CAMTA1: variants seen among roughly 807,000 people sequenced by gnomAD.
The protein encoded by CAMTA1 is calmodulin-binding transcription activator 1.
CAMTA1 carries 27 observed loss-of-function variants against 170.9 expected under a neutral mutation model. The observed-to-expected ratio is 0.16, with a 90% CI of 0.12 to 0.22. The LOEUF is 0.22. CAMTA1 is among the 10% of genes least tolerant of loss of function. The pLI is 1.00. For synonymous variants in CAMTA1, 833 were observed against 891.5 expected (o/e 0.93, Z 1.17); for missense variants, 1,619 against 2,217.2 (o/e 0.73, Z 5.42).
At chr1:7,453,393 C>T (rs1342137347) in intron 5 of CAMTA1, among the ~76,000 whole-genome samples, 14 of 152,218 alleles carry the variant, frequency 9.2e-5, no homozygotes, top group African/African-American at 3.4e-4. Flanking sequence ...GTCCAGGTGC[C>T]TAGATCTCTA....
rs188242810 is a variant in CAMTA1 at position 7,651,683 on chromosome 1, C to T, written c.665-10043C>T. The stretch of plus-strand genomic sequence containing the variant: ...CAGAATCCAGGGGTGGGGCCACCTA[C>T]CTGGATAGGGCCCAGTGGCATACAG... On this transcript the variant is annotated intron_variant, in intron 7 of 22. Coordinates refer to ENST00000303635, the MANE Select transcript of CAMTA1 (RefSeq NM_015215.4). Among the ~76,000 whole-genome samples the T allele has an allele frequency of 9.3e-4, 141 of 152,394 alleles. 2 individuals carry two copies. The highest frequency in any genetic ancestry group is 8.9e-3 in the Admixed American group (136 of 15,310).
intron 4 of CAMTA1, among the ~76,000 whole-genome samples, chr1:7,237,895 A>G (rs1446664038): frequency 2.0e-5 from 3 of 152,368 alleles, no homozygotes; most frequent in South Asian, 2.1e-4. Context: ...CATGTGCTAT[A>G]TGACAGGCAG....
chr1:7,532,078 G>A lies in CAMTA1; in HGVS notation c.510+64177G>A, dbSNP rs979554686. Among the ~76,000 whole-genome samples the A allele has an allele frequency of 3.9e-5, 6 of 152,292 alleles. No individual in the cohort carries two copies. The highest frequency in any genetic ancestry group is 2.1e-4 in the South Asian group (1 of 4,816). On this transcript the variant is annotated intron_variant, in intron 6 of 22. Coordinates refer to ENST00000303635, the MANE Select transcript of CAMTA1 (RefSeq NM_015215.4). This position sits in a 1 kb window ranked among gnomAD's most constrained non-coding sequence, Gnocchi z 4.2. ...AAGGCAGAGAGGAAGGGGCAGGGGC[G>A]GCGAATGAGTGACAGAAAAGGAGGC... is the stretch of plus-strand genomic sequence containing the variant.
intron 3 of CAMTA1, among the ~76,000 whole-genome samples, chr1:7,084,954 C>T (rs1468809924): frequency 1.3e-5 from 2 of 152,230 alleles, no homozygotes; most frequent in East Asian, 3.9e-4. Context: ...TCTCTTTTAC[C>T]TTTTAAAATG....
intron 4 of CAMTA1, among the ~76,000 whole-genome samples, chr1:7,230,219 T>A (rs1662481859): frequency 6.6e-6 from 1 of 152,118 alleles, no homozygotes; most frequent in Non-Finnish European, 1.5e-5. Flanking sequence ...CGCTTTTGGT[T>A]GCCAGCGCCC....
At chr1:7,384,155 C>T (rs2087670840) in intron 5 of CAMTA1, among the ~76,000 whole-genome samples, 1 of 152,200 alleles carries the variant, frequency 6.6e-6, no homozygotes, top group Non-Finnish European at 1.5e-5. Flanking sequence ...GCTTCTGTGC[C>T]AGGGATGTGG....
At chr1:6,839,751 G>C (rs1249009763) in intron 3 of CAMTA1, among the ~76,000 whole-genome samples, 1 of 152,158 alleles carries the variant, frequency 6.6e-6, no homozygotes, top group African/African-American at 2.4e-5. Context: ...TCTAGGCAAA[G>C]GTAATAGCCT....
chr1:6,954,133 TGCCA>T (rs569305790), intron 3 of CAMTA1, among the ~76,000 whole-genome samples: 7 of 152,196 alleles, frequency 4.6e-5, no homozygotes, highest in Non-Finnish European at 7.4e-5. Flanking sequence ...GTGTTGCTTT[TGCCA>T]GCCAGCCAGC....
Position 7,633,732 on chromosome 1 carries a change from C to G in CAMTA1, c.511-6668C>G, listed in dbSNP as rs1203896020. Reference sequence around the variant, plus strand: ...GAGCCCCTGCCATGTGGCTGCCCCGCAGACAGAGTCCCAGCCATCCGGAGC... The same window carrying G: ...GAGCCCCTGCCATGTGGCTGCCCCGGAGACAGAGTCCCAGCCATCCGGAGC... On this transcript the variant is annotated intron_variant, in intron 6 of 22. Coordinates refer to ENST00000303635, the MANE Select transcript of CAMTA1 (RefSeq NM_015215.4). The surrounding 1 kb of genome is among the most constrained non-coding windows in gnomAD (Gnocchi z 4.1). Among the ~76,000 whole-genome samples, 1 of 152,260 alleles carries G rather than the reference C, an allele frequency of 6.6e-6. No homozygotes were observed.
rs775341643 is a variant in CAMTA1, at chr1:7,732,485, G to A, written c.2952G>A (p.Glu984=). The change falls in exon 12 of 23, where the codon GAG becomes GAA. Residue 984 remains glutamate, a synonymous_variant. Coordinates refer to ENST00000303635, the MANE Select transcript of CAMTA1 (RefSeq NM_015215.4). The surrounding 1 kb of genome is among the most constrained non-coding windows in gnomAD (Gnocchi z 4.1). ...QFRMSILERL[E]QMERRMAEMT... ...GGATGTCCATCCTGGAACGACTGGA[G>A]CAGATGGAGAGGAGGATGGCCGAGA... is the stretch of plus-strand genomic sequence containing the variant. 1.2e-6 allele frequency: 2 copies of A among 1,614,060 alleles called. No homozygotes were observed. The highest frequency in any genetic ancestry group is 1.7e-5 in the Admixed American group (1 of 60,022).
In CAMTA1 at chr1:7,561,473, C is replaced by T. The variant is rs200616090; in HGVS notation, c.511-78927C>T. ...ACTCTCCCTGCTGGGCACACCCCAGCGGCACCAGCACACTCCTCATCCTCT... is the reference window on the plus strand; with the variant it reads ...ACTCTCCCTGCTGGGCACACCCCAGTGGCACCAGCACACTCCTCATCCTCT... On this transcript the variant is annotated intron_variant, in intron 6 of 22. Coordinates refer to ENST00000303635, the MANE Select transcript of CAMTA1 (RefSeq NM_015215.4). This position sits in a 1 kb window ranked among gnomAD's most constrained non-coding sequence, Gnocchi z 5.3. Among the ~76,000 whole-genome samples the T allele has an allele frequency of 4.0e-4, 61 of 151,902 alleles. No homozygotes were observed. The highest frequency in any genetic ancestry group is 1.2e-3 in the African/African-American group (48 of 41,430).
chr1:7,310,682 C>CTT lies in CAMTA1; in HGVS notation c.438+61057_438+61058insTT, dbSNP rs1557491449. Among the ~76,000 whole-genome samples, 26 of 36,708 alleles carry CTT rather than the reference C, an allele frequency of 7.1e-4. 1 individual carries two copies. Among genetic ancestry groups the CTT allele is most frequent in the Middle Eastern group, 0.013 (1 of 80 alleles). The allele number at this position is 36,708 out of a possible 152,430, so 24.1% of individuals were successfully genotyped here. On this transcript the variant is annotated intron_variant, in intron 5 of 22. Transcript: ENST00000303635. ...TTCTTTCTTTCTTTCCTTTCTTTCT[C>CTT]TCTCTCTCTCTCTCTCTCTCTTTCT...
At chr1:7,048,736 G>A (rs564715441) in intron 3 of CAMTA1, among the ~76,000 whole-genome samples, 128 of 152,300 alleles carry the variant, frequency 8.4e-4, no homozygotes, top group African/African-American at 2.9e-3. Context: ...TTCCTTTGTC[G>A]CTTGGGAGCT....
intron 4 of CAMTA1, among the ~76,000 whole-genome samples, chr1:7,129,032 C>T (rs1645096047): frequency 1.3e-5 from 2 of 151,752 alleles, no homozygotes; most frequent in Admixed American, 1.3e-4. Context: ...TAGAGACCAC[C>T]TCACTATGTT....
At chr1:6,878,328 C>T (rs1170762248) in intron 3 of CAMTA1, among the ~76,000 whole-genome samples, 3 of 152,324 alleles carry the variant, frequency 2.0e-5, no homozygotes, top group South Asian at 4.1e-4. Flanking sequence ...GCTTTTAAGC[C>T]TCAAGTCAAG....
chr1:7,637,882 C>A (rs1353751954), intron 6 of CAMTA1, among the ~76,000 whole-genome samples: 1 of 152,206 alleles, frequency 6.6e-6, no homozygotes, highest in African/African-American at 2.4e-5. Context: ...AAGTGCTGCG[C>A]TTATGTCAGG....
At chr1:7,059,808 T>C (rs1466116160) in intron 3 of CAMTA1, among the ~76,000 whole-genome samples, 2 of 152,192 alleles carry the variant, frequency 1.3e-5, no homozygotes, top group Non-Finnish European at 2.9e-5. Context: ...TATTGAACTT[T>C]TTATTGTGTT....
At chr1:7,235,208 G>A (rs551767674) in intron 4 of CAMTA1, among the ~76,000 whole-genome samples, 57 of 152,258 alleles carry the variant, frequency 3.7e-4, no homozygotes, top group African/African-American at 1.3e-3. Context: ...GTCCCGACCC[G>A]CCAGGTTCTC....
rs147506496 is a variant in CAMTA1, at chr1:7,230,739, G to T, written c.303-18752G>T. Among the ~76,000 whole-genome samples the T allele has an allele frequency of 1.8e-3, 281 of 152,322 alleles. 1 individual carries two copies. Among genetic ancestry groups the T allele is most frequent in the African/African-American group, 6.4e-3 (266 of 41,564 alleles). Reference sequence around the variant, plus strand: ...GTTGGCCCAGGTGAAGAGCAGCCAGGCAGGGCAGCCAAGGTGACTCCTGGA... The same window carrying T: ...GTTGGCCCAGGTGAAGAGCAGCCAGTCAGGGCAGCCAAGGTGACTCCTGGA... On this transcript the variant is annotated intron_variant, in intron 4 of 22. Coordinates refer to ENST00000303635, the MANE Select transcript of CAMTA1 (RefSeq NM_015215.4).
Sources: allele counts gnomAD v4.1 joint callset (sites outside exome capture counted in the v4.1 genomes callset), GRCh38; gene constraint gnomAD v4.1.1; non-coding constraint Gnocchi (gnomAD v3.1); transcripts MANE v1.5; gene names NCBI Gene and HGNC (gene_info 2026-07-23, HGNC 2026-07-21).